The following SVOPL variants were observed in gnomAD, a reference collection of about 807,000 sequenced individuals.
SVOPL encodes the protein putative transporter SVOPL.
A neutral mutation model predicts 61.0 loss-of-function variants in SVOPL; 60 were observed. That is an observed-to-expected ratio of 0.98 (90% CI 0.80 to 1.22). SVOPL has a LOEUF of 1.22. Ranked by LOEUF, SVOPL falls within the 50% of genes most tolerant of loss-of-function variation. The pLI, the probability that SVOPL is intolerant of heterozygous loss-of-function variation, is 0.00. For missense variants in SVOPL, 662 were observed against 643.9 expected (o/e 1.03, Z -0.30); for synonymous variants, 279 against 250.0 (o/e 1.12, Z -1.09).
chr7:138,688,212 G>C (rs950048867), intron 1 of SVOPL, among the ~76,000 whole-genome samples: 9 of 151,640 alleles, frequency 5.9e-5, no homozygotes, highest in African/African-American at 1.9e-4. Flanking sequence ...GGTCATTCGG[G>C]AAATGCAAAT....
intron 14 of SVOPL, among the ~76,000 whole-genome samples, chr7:138,612,722 C>T (rs987735321): frequency 6.6e-6 from 1 of 152,070 alleles, no homozygotes; most frequent in African/African-American, 2.4e-5. Flanking sequence ...ACCATGTTGG[C>T]CAGGCTGGTC....
intron 14 of SVOPL, among the ~76,000 whole-genome samples, chr7:138,612,447 T>TAAAAAAAAAAAAAAAAAAAAAA (rs59229265): frequency 2.7e-4 from 6 of 22,296 alleles, no homozygotes; most frequent in African/African-American, 6.4e-4. Context: ...AAAAAAAAAA[T>TAAAAAAAAAAAAAAAAAAAAAA]AAAAAAAAAA....
intron 14 of SVOPL, among the ~76,000 whole-genome samples, chr7:138,608,746 GGT>G (rs1436205737): frequency 6.6e-6 from 1 of 152,130 alleles, no homozygotes; most frequent in Non-Finnish European, 1.5e-5. Context: ...GAAGAAAAGA[GGT>G]GTGTGTTTTT....
At chr7:138,632,126 C>T (rs1049249655) in intron 9 of SVOPL, among the ~76,000 whole-genome samples, 5 of 152,262 alleles carry the variant, frequency 3.3e-5, no homozygotes, top group Middle Eastern at 6.8e-3. Context: ...AGCTCTGGGC[C>T]TTGCTCAAGA....
intron 3 of SVOPL, among the ~76,000 whole-genome samples, chr7:138,672,588 C>G (rs958042097): frequency 6.9e-6 from 1 of 145,538 alleles, no homozygotes; most frequent in Admixed American, 7.0e-5. Flanking sequence ...TTCATGAAAG[C>G]TGGAAAATAA....
intron 13 of SVOPL, chr7:138,625,080 GC>G: frequency 6.6e-6 from 1 of 152,306 alleles, no homozygotes; most frequent in African/African-American, 2.4e-5. Flanking sequence ...CTTATTTGTA[GC>G]AAAACTTATA....
chr7:138,644,700 C>T lies in SVOPL; in HGVS notation c.789+17G>A, dbSNP rs372839650. The T allele has an allele frequency of 3.0e-5, 48 of 1,612,656 alleles. No homozygotes were observed. The highest frequency in any genetic ancestry group is 3.8e-5 in the Non-Finnish European group (45 of 1,179,332). On this transcript the variant is annotated intron_variant, in intron 9 of 15. Transcript: ENST00000674285. ...GGCCACTGGTGATAGGAGAAGACCT[C>T]GGGGGCCAGCACTCACCAGGACGGG...
intron 8 of SVOPL, among the ~76,000 whole-genome samples, chr7:138,647,259 T>C (rs1801164103): frequency 6.6e-6 from 1 of 151,606 alleles, no homozygotes; most frequent in African/African-American, 2.4e-5. Flanking sequence ...CTGGCACCTA[T>C]AGTCCCAGCT....
At position 138,597,207 on chromosome 7, in the gene SVOPL, A is replaced by G. The variant is rs760887139; in HGVS notation, c.1354-677T>C. The G allele has an allele frequency of 7.8e-6, 10 of 1,289,470 alleles. No individual in the cohort carries two copies. The South Asian group carries it at 1.2e-4, about 16-fold the overall frequency. The allele number at this position is 1,289,470 out of a possible 1,614,324, so 79.9% of individuals were successfully genotyped here. ...CTTGATAGTTCTCCATTAATCTCAC[A>G]ACGACAGTAAAGTATGAAGTGGTTA... On this transcript the variant is annotated intron_variant, in intron 14 of 15. Transcript: ENST00000674285.
intron 14 of SVOPL, chr7:138,597,228 G>A (rs1480738111): frequency 1.2e-5 from 15 of 1,288,612 alleles, no homozygotes; most frequent in Non-Finnish European, 1.4e-5. Flanking sequence ...AGTATGAAGT[G>A]GTTAACCAAC....
chr7:138,623,821 A>T (rs981400322), intron 13 of SVOPL, among the ~76,000 whole-genome samples: 2 of 152,106 alleles, frequency 1.3e-5, no homozygotes, highest in Admixed American at 1.3e-4. Flanking sequence ...TTTAAAGTCA[A>T]TAATTTTTTT....
chr7:138,649,231 T>C (rs1801300923), intron 7 of SVOPL, 94 bp from the exon 8 acceptor site: 8 of 1,425,102 alleles, frequency 5.6e-6, no homozygotes, highest in Non-Finnish European at 7.4e-6. Flanking sequence ...AAGATTAAAA[T>C]TCCTTCTGTC....
intron 14 of SVOPL, chr7:138,597,042 C>A: frequency 8.6e-7 from 1 of 1,156,604 alleles, no homozygotes; most frequent in Non-Finnish European, 1.1e-6. Flanking sequence ...TTGTGTGACA[C>A]CAAAACTCTT....
intron 13 of SVOPL, among the ~76,000 whole-genome samples, chr7:138,622,877 C>T (rs534119041): frequency 1.6e-3 from 245 of 152,290 alleles, no homozygotes; most frequent in Non-Finnish European, 2.4e-3. Context: ...AGCAAGTCTT[C>T]CTGAATAAAT....
At chr7:138,669,978 T>G (rs1214198234) in intron 4 of SVOPL, among the ~76,000 whole-genome samples, 1 of 152,220 alleles carries the variant, frequency 6.6e-6, no homozygotes, top group Non-Finnish European at 1.5e-5. Flanking sequence ...CCCCACCTGC[T>G]GGTTCTTTGA....
At chr7:138,688,010 C>T (rs1802858190) in intron 1 of SVOPL, among the ~76,000 whole-genome samples, 1 of 152,014 alleles carries the variant, frequency 6.6e-6, no homozygotes, top group South Asian at 2.1e-4. Flanking sequence ...ACCATGTTGG[C>T]CAGGATGGTC....
intron 3 of SVOPL, among the ~76,000 whole-genome samples, chr7:138,676,281 T>C (rs1170838280): frequency 3.3e-5 from 5 of 152,256 alleles, no homozygotes; most frequent in Non-Finnish European, 7.3e-5. Context: ...GTGTTTGTCT[T>C]AGTCCATTTG....
chr7:138,621,211 C>A, intron 13 of SVOPL, 76 bp from the exon 14 acceptor site: 1 of 1,312,990 alleles, frequency 7.6e-7, no homozygotes, highest in South Asian at 1.4e-5. Flanking sequence ...CCCTTCCTCC[C>A]CAGGTCAGGT....
intron 6 of SVOPL, among the ~76,000 whole-genome samples, chr7:138,657,832 C>T (rs982173389): frequency 3.3e-5 from 5 of 152,082 alleles, no homozygotes; most frequent in Non-Finnish European, 5.9e-5. Flanking sequence ...TAATCTCCTC[C>T]AAGGCACCAA....
Sources: allele counts gnomAD v4.1 joint callset (sites outside exome capture counted in the v4.1 genomes callset), GRCh38; gene constraint gnomAD v4.1.1; transcripts MANE v1.5; gene names NCBI Gene and HGNC (gene_info 2026-07-23, HGNC 2026-07-21).